Variants in HIBADH observed in about 807,000 individuals in gnomAD.
HIBADH encodes 3-hydroxyisobutyrate dehydrogenase.
HIBADH carries 25 observed loss-of-function variants against 36.1 expected under a neutral mutation model. The observed-to-expected ratio is 0.69, with a 90% CI of 0.50 to 0.97. HIBADH has a LOEUF of 0.97. HIBADH is among the 50% of genes least tolerant of loss of function. HIBADH has a pLI of 0.00. For synonymous variants in HIBADH, 160 were observed against 149.5 expected (o/e 1.07, Z -0.51); for missense variants, 421 against 418.0 (o/e 1.01, Z -0.06).
At chr7:27,640,758 A>G (rs1341924961) in intron 2 of HIBADH, among the ~76,000 whole-genome samples, 1 of 152,166 alleles carries the variant, frequency 6.6e-6, no homozygotes, top group African/African-American at 2.4e-5. Context: ...GGTGTAGTGT[A>G]TTTCTTCTAG....
chr7:27,541,846 AGAT>A (rs1471564792), intron 5 of HIBADH: 1 of 346,364 alleles, frequency 2.9e-6, no homozygotes, highest in Non-Finnish European at 5.6e-6. Context: ...ACTCACACAA[AGAT>A]GATTAGTGTC....
rs533572723 is a variant in HIBADH at position 27,662,114 on chromosome 7, T to C, written c.91+584A>G. On this transcript the variant is annotated intron_variant, in intron 1 of 7. Coordinates refer to ENST00000265395, the MANE Select transcript of HIBADH (RefSeq NM_152740.4). ...CATAATTTGACAAAAATGACATTTT[T>C]TTAGGTTACAGTAGAGGGGGGAAGC... Among the ~76,000 whole-genome samples the C allele has an allele frequency of 2.6e-5, 4 of 152,292 alleles. No individual in the cohort carries two copies. The South Asian group carries it at 8.3e-4, about 32-fold the overall frequency.
chr7:27,578,151 G>A (rs1022094627), intron 4 of HIBADH, among the ~76,000 whole-genome samples: 5 of 152,186 alleles, frequency 3.3e-5, no homozygotes, highest in African/African-American at 7.2e-5. Flanking sequence ...TGAAAATGTG[G>A]AGCTGAAGAC....
At chr7:27,622,248 T>A (rs896079004) in intron 4 of HIBADH, among the ~76,000 whole-genome samples, 5 of 152,046 alleles carry the variant, frequency 3.3e-5, no homozygotes, top group African/African-American at 1.2e-4. Flanking sequence ...CTATTTTTTT[T>A]TAAAAAAGTT....
intron 4 of HIBADH, among the ~76,000 whole-genome samples, chr7:27,589,374 T>A (rs1444900747): frequency 6.6e-6 from 1 of 152,200 alleles, no homozygotes; most frequent in African/African-American, 2.4e-5. Context: ...TAAACTATGC[T>A]GCTAGCTCTC....
chr7:27,602,907 C>G (rs1228348317), intron 4 of HIBADH, among the ~76,000 whole-genome samples: 1 of 152,114 alleles, frequency 6.6e-6, no homozygotes, highest in African/African-American at 2.4e-5. Context: ...CAACCTCCAT[C>G]CATCCCAGCA....
chr7:27,563,579 T>C (rs1407671551), intron 4 of HIBADH, among the ~76,000 whole-genome samples: 1 of 152,256 alleles, frequency 6.6e-6, no homozygotes, highest in African/African-American at 2.4e-5. Context: ...ATTTTAAAAG[T>C]TGCTGTAGCC....
intron 4 of HIBADH, among the ~76,000 whole-genome samples, chr7:27,621,005 C>G (rs758150780): frequency 9.4e-5 from 14 of 149,368 alleles, no homozygotes; most frequent in Non-Finnish European, 2.1e-4. Flanking sequence ...AATAAGGACA[C>G]ATACACAGCT....
chr7:27,662,773 G>C lies in HIBADH; in HGVS notation c.16C>G (p.Arg6Gly), dbSNP rs902787115. The C allele has an allele frequency of 1.4e-6, 2 of 1,464,192 alleles. No homozygotes were observed. The highest frequency in any genetic ancestry group is 1.5e-5 in the African/African-American group (1 of 67,644). The allele number at this position is 1,464,192 out of a possible 1,614,324, so 90.7% of individuals were successfully genotyped here. A position where few individuals can be genotyped will look rare whatever the true frequency, so the allele number is the denominator to read the frequency against. MAASL[R>G]LLGAASGLRY... ...AGACCGGAGGCAGCTCCGAGGAGCC[G>C]TAAGGAGGCTGCCATGCTGCGCCCG... The change falls in exon 1 of 8, where the codon CGG becomes GGG. Residue 6 changes from arginine to glycine, a missense_variant. Physicochemically the swap from Arg to Gly is moderately radical, Grantham distance 125. Coordinates refer to ENST00000265395, the MANE Select transcript of HIBADH (RefSeq NM_152740.4).
At chr7:27,560,047 T>C (rs1784443530) in intron 4 of HIBADH, among the ~76,000 whole-genome samples, 1 of 152,236 alleles carries the variant, frequency 6.6e-6, no homozygotes, top group Non-Finnish European at 1.5e-5. Flanking sequence ...CTATAAGACA[T>C]CCCTGTTCAT....
intron 4 of HIBADH, among the ~76,000 whole-genome samples, chr7:27,607,717 A>T (rs1785253973): frequency 6.7e-6 from 1 of 149,976 alleles, no homozygotes; most frequent in South Asian, 2.1e-4. Flanking sequence ...TCCTTCCTCC[A>T]GCTGCTTATC....
chr7:27,645,920 G>A (rs530640432), intron 2 of HIBADH, among the ~76,000 whole-genome samples: 36 of 152,112 alleles, frequency 2.4e-4, no homozygotes, highest in Non-Finnish European at 4.7e-4. Context: ...TCACTTTATT[G>A]ATGGTGTTCT....
intron 4 of HIBADH, among the ~76,000 whole-genome samples, chr7:27,595,799 T>A (rs963219356): frequency 1.3e-5 from 2 of 151,990 alleles, no homozygotes; most frequent in Non-Finnish European, 2.9e-5. Flanking sequence ...ATAAATCTAA[T>A]AAAATTACGC....
At chr7:27,631,747 C>T (rs983583949) in intron 3 of HIBADH, among the ~76,000 whole-genome samples, 3 of 152,170 alleles carry the variant, frequency 2.0e-5, no homozygotes, top group African/African-American at 7.2e-5. Flanking sequence ...GAGTTATTTA[C>T]ATCCTACTGC....
At chr7:27,619,233 A>G (rs1022092957) in intron 4 of HIBADH, among the ~76,000 whole-genome samples, 6 of 152,212 alleles carry the variant, frequency 3.9e-5, no homozygotes, top group East Asian at 1.9e-4. Context: ...TGCAGTGACT[A>G]TAATACTGCA....
At chr7:27,616,578 C>T (rs1785432885) in intron 4 of HIBADH, among the ~76,000 whole-genome samples, 1 of 152,170 alleles carries the variant, frequency 6.6e-6, no homozygotes, top group Non-Finnish European at 1.5e-5. Context: ...TCTCCCACCT[C>T]AGCCTCCTAA....
chr7:27,570,840 A>C (rs1005418), intron 4 of HIBADH, among the ~76,000 whole-genome samples: 31,320 of 151,992 alleles, frequency 0.21, 4,049 homozygotes, highest in East Asian at 0.43. Context: ...GTATTTAGTA[A>C]GATTTCTTTT....
intron 4 of HIBADH, among the ~76,000 whole-genome samples, chr7:27,570,035 C>G (rs1784605625): frequency 1.3e-5 from 2 of 152,214 alleles, no homozygotes; most frequent in Non-Finnish European, 1.5e-5. Flanking sequence ...TGCACCTGTG[C>G]ACAGTCCTAG....
intron 4 of HIBADH, among the ~76,000 whole-genome samples, chr7:27,619,908 G>A (rs1265134690): frequency 6.6e-6 from 1 of 152,072 alleles, no homozygotes; most frequent in East Asian, 1.9e-4. Context: ...GAAAGAATAG[G>A]TGAAAACTTC....
Sources: allele counts gnomAD v4.1 joint callset (sites outside exome capture counted in the v4.1 genomes callset), GRCh38; gene constraint gnomAD v4.1.1; transcripts MANE v1.5; gene names NCBI Gene and HGNC (gene_info 2026-07-23, HGNC 2026-07-21).